GRM5: variants seen among roughly 807,000 people sequenced by gnomAD.
GRM5 encodes glutamate metabotropic receptor 5, also known as metabotropic glutamate receptor 5.
In GRM5, 19 loss-of-function variants were observed where a neutral mutation model predicts 83.1. The observed-to-expected ratio is 0.23, with a 90% CI of 0.16 to 0.34. The LOEUF (loss-of-function observed/expected upper bound fraction) is 0.34, where lower values mean the gene tolerates loss of function less well. Among genes scored for constraint, GRM5 ranks in the 10% least tolerant of loss-of-function variants. The probability of loss-of-function intolerance (pLI) is 1.00; values close to 1 mark genes in which losing one functional copy is unlikely to be tolerated. For synonymous variants in GRM5, 675 were observed against 633.6 expected, an observed-to-expected ratio of 1.07 and a Z score of -0.98; for missense variants, 1,160 against 1,588.3, an observed-to-expected ratio of 0.73 and a Z score of 4.58.
intron 3 of GRM5, among the ~76,000 whole-genome samples, chr11:88,795,633 T>C (rs1457186637): frequency 2.0e-5 from 3 of 152,198 alleles, no homozygotes; most frequent in Non-Finnish European, 4.4e-5. Flanking sequence ...CAAGATATCA[T>C]GACAACCCTA....
intron 8 of GRM5, among the ~76,000 whole-genome samples, chr11:88,529,015 T>C (rs917272894): frequency 6.6e-6 from 1 of 152,102 alleles, no homozygotes; most frequent in Non-Finnish European, 1.5e-5. Context: ...TTACAAAAGC[T>C]TATTATTTAC....
intron 3 of GRM5, among the ~76,000 whole-genome samples, chr11:88,661,941 T>C (rs1406444300): frequency 6.6e-6 from 1 of 152,130 alleles, no homozygotes; most frequent in Non-Finnish European, 1.5e-5. Flanking sequence ...AAAAAGATAA[T>C]GTTATCAACT....
At chr11:88,594,063 GA>G (rs1937730247) in intron 6 of GRM5, among the ~76,000 whole-genome samples, 1 of 152,082 alleles carries the variant, frequency 6.6e-6, no homozygotes. Flanking sequence ...AAAGTGCTGG[GA>G]TTACAGGCGT....
chr11:88,861,578 A>C (rs1212246578), intron 2 of GRM5, among the ~76,000 whole-genome samples: 1 of 151,728 alleles, frequency 6.6e-6, no homozygotes, highest in Non-Finnish European at 1.5e-5. Flanking sequence ...TGATCCTCCC[A>C]CCTCAGCCTC....
At chr11:88,620,940 A>G in intron 4 of GRM5, among the ~76,000 whole-genome samples, 1 of 152,214 alleles carries the variant, frequency 6.6e-6, no homozygotes, top group East Asian at 1.9e-4. Context: ...AGCTTCAAAA[A>G]TTCAACAGGG....
In GRM5 at chr11:88,754,335, C is replaced by T. The variant is rs189145904; in HGVS notation, c.911+95571G>A. Among the ~76,000 whole-genome samples, 352 of 152,090 alleles carry T rather than the reference C, an allele frequency of 2.3e-3. 1 individual carries two copies. Among genetic ancestry groups the T allele is most frequent in the Non-Finnish European group, 4.3e-3 (295 of 67,972 alleles). On this transcript the variant is annotated intron_variant, in intron 3 of 9. Coordinates refer to ENST00000305447, the MANE Select transcript of GRM5 (RefSeq NM_001143831.3). ...TTGCTAATGGATGCAAGGCTTATTACCTAGGTGATGGGAAGATCTGTACAG... is the reference window on the plus strand; with the variant it reads ...TTGCTAATGGATGCAAGGCTTATTATCTAGGTGATGGGAAGATCTGTACAG...
intron 2 of GRM5, among the ~76,000 whole-genome samples, chr11:89,004,213 C>A (rs1034445273): frequency 6.6e-6 from 1 of 152,026 alleles, no homozygotes; most frequent in Non-Finnish European, 1.5e-5. Flanking sequence ...AGAGGCTGGA[C>A]CAAATGATCT....
At chr11:88,705,278 TACTC>T (rs1941128291) in intron 3 of GRM5, among the ~76,000 whole-genome samples, 1 of 152,002 alleles carries the variant, frequency 6.6e-6, no homozygotes, top group South Asian at 2.1e-4. Context: ...CAGGGACCCT[TACTC>T]AATTGACAAA....
At chr11:88,527,176 C>T (rs1169521278) in intron 8 of GRM5, among the ~76,000 whole-genome samples, 2 of 152,196 alleles carry the variant, frequency 1.3e-5, no homozygotes, top group Admixed American at 1.3e-4. Context: ...TACTGCTCGA[C>T]AGCTCAAATT....
At chr11:88,794,244 T>C (rs1943232844) in intron 3 of GRM5, among the ~76,000 whole-genome samples, 1 of 152,168 alleles carries the variant, frequency 6.6e-6, no homozygotes, top group African/African-American at 2.4e-5. Context: ...ACCTCCTGAA[T>C]GGTCTACCTG....
intron 6 of GRM5, among the ~76,000 whole-genome samples, chr11:88,592,133 G>A (rs1004740655): frequency 6.6e-6 from 1 of 152,146 alleles, no homozygotes; most frequent in African/African-American, 2.4e-5. Context: ...CACTGGCTTG[G>A]GAATCAAGTA....
intron 3 of GRM5, among the ~76,000 whole-genome samples, chr11:88,813,863 A>AT (rs1314620082): frequency 6.6e-6 from 1 of 152,102 alleles, no homozygotes; most frequent in Non-Finnish European, 1.5e-5. Flanking sequence ...TAAAAGAAAT[A>AT]TTATCTTTTT....
At chr11:88,702,502 T>G (rs1336053434) in intron 3 of GRM5, among the ~76,000 whole-genome samples, 1 of 152,056 alleles carries the variant, frequency 6.6e-6, no homozygotes, top group Non-Finnish European at 1.5e-5. Flanking sequence ...TACTCCTAAA[T>G]GTTTGGTGTT....
rs1373847702 is a variant in GRM5, at chr11:88,896,701, G to A, written c.662-46546C>T. On this transcript the variant is annotated intron_variant, in intron 2 of 9. Coordinates refer to ENST00000305447, the MANE Select transcript of GRM5 (RefSeq NM_001143831.3). ...TGGTGTCCCAAATCAAACAGAGAGAGTGAATCCTCCCTTCCTATCTTTTGT... is the reference window on the plus strand; with the variant it reads ...TGGTGTCCCAAATCAAACAGAGAGAATGAATCCTCCCTTCCTATCTTTTGT... Among the ~76,000 whole-genome samples, 4 of 151,796 alleles carry A rather than the reference G, an allele frequency of 2.6e-5. No homozygotes were observed. In the East Asian group the frequency reaches 5.8e-4, roughly 22 times the overall value.
At chr11:88,684,960 T>C (rs1036607795) in intron 3 of GRM5, among the ~76,000 whole-genome samples, 2 of 152,214 alleles carry the variant, frequency 1.3e-5, no homozygotes, top group African/African-American at 2.4e-5. Context: ...GAAAACAGAC[T>C]AATTATAATA....
intron 2 of GRM5, among the ~76,000 whole-genome samples, chr11:88,926,757 A>T (rs1192217625): frequency 6.6e-6 from 1 of 152,162 alleles, no homozygotes; most frequent in Non-Finnish European, 1.5e-5. Context: ...TCAATCTAAG[A>T]TCCACCAAAA....
chr11:88,829,367 G>C (rs550964826), intron 3 of GRM5, among the ~76,000 whole-genome samples: 1 of 151,996 alleles, frequency 6.6e-6, no homozygotes, highest in Admixed American at 6.6e-5. Flanking sequence ...AGGCTGAGGC[G>C]AGAGAATTGC....
At chr11:88,542,120 T>C (rs886367668) in intron 8 of GRM5, among the ~76,000 whole-genome samples, 2 of 152,314 alleles carry the variant, frequency 1.3e-5, no homozygotes, top group South Asian at 4.1e-4. Flanking sequence ...CCCAATCTCA[T>C]GTAGTACCTT....
At chr11:88,511,519 A>G (rs796692693) in intron 9 of GRM5, among the ~76,000 whole-genome samples, 17 of 152,126 alleles carry the variant, frequency 1.1e-4, no homozygotes, top group African/African-American at 3.9e-4. Flanking sequence ...TAATCTACCC[A>G]ATATATTGTA....
Sources: allele counts gnomAD v4.1 joint callset (sites outside exome capture counted in the v4.1 genomes callset), GRCh38; gene constraint gnomAD v4.1.1; transcripts MANE v1.5; gene names NCBI Gene and HGNC (gene_info 2026-07-23, HGNC 2026-07-21).